SYNPR: variants seen among roughly 807,000 people sequenced by gnomAD.
SYNPR encodes synaptoporin.
SYNPR carries 23 observed loss-of-function variants against 32.9 expected under a neutral mutation model. The observed-to-expected ratio is 0.70, with a 90% CI of 0.50 to 0.99. SYNPR has a LOEUF of 0.99. Ranked by LOEUF, SYNPR falls within the 50% of genes least tolerant of loss-of-function variation. The pLI, the probability that SYNPR is intolerant of heterozygous loss-of-function variation, is 0.00. For synonymous variants in SYNPR, 146 were observed against 135.9 expected (o/e 1.07, Z -0.52); for missense variants, 318 against 349.3 (o/e 0.91, Z 0.71).
chr3:63,268,580 A>G (rs2086510200), intron 3 of SYNPR, among the ~76,000 whole-genome samples: 1 of 152,232 alleles, frequency 6.6e-6, no homozygotes, highest in Non-Finnish European at 1.5e-5. Flanking sequence ...GAAAATCACA[A>G]AGAAGGGAAA....
chr3:63,376,128 G>A lies in SYNPR; in HGVS notation c.84+97386G>A, dbSNP rs959837545. Reference sequence around the variant, plus strand: ...ATCTGAAATCCATCTATTTCTCTGTGTGTTCACTATTCTCATCCTAGCCCA... The same window carrying A: ...ATCTGAAATCCATCTATTTCTCTGTATGTTCACTATTCTCATCCTAGCCCA... On this transcript the variant is annotated intron_variant, in intron 2 of 5. Coordinates refer to ENST00000478300, the MANE Select transcript of SYNPR (RefSeq NM_001130003.2). Among the ~76,000 whole-genome samples the A allele has an allele frequency of 2.0e-5, 3 of 152,034 alleles. No homozygotes were observed. The East Asian group carries it at 5.8e-4, about 29-fold the overall frequency.
the SYNPR span, among the ~76,000 whole-genome samples, chr3:63,207,145 T>G: frequency 2.0e-5 from 3 of 152,204 alleles, no homozygotes; most frequent in Non-Finnish European, 4.4e-5. Flanking sequence ...TTAACCCAAG[T>G]TATAGCTAGT....
intron 3 of SYNPR, among the ~76,000 whole-genome samples, chr3:63,546,726 C>T (rs541956703): frequency 2.6e-5 from 4 of 151,826 alleles, no homozygotes; most frequent in Non-Finnish European, 4.4e-5. Context: ...AAAAAAAGTT[C>T]CTCCTATGGA....
intron 2 of SYNPR, among the ~76,000 whole-genome samples, chr3:63,471,994 A>C (rs1700809378): frequency 6.6e-6 from 1 of 152,168 alleles, no homozygotes. Flanking sequence ...ATGCCAGACT[A>C]ACTCCCTCCC....
intron 2 of SYNPR, among the ~76,000 whole-genome samples, chr3:63,356,820 CA>C (rs2087589949): frequency 6.6e-6 from 1 of 152,138 alleles, no homozygotes; most frequent in Non-Finnish European, 1.5e-5. Flanking sequence ...GAATTTTTCT[CA>C]ACGATGAAGG....
exon 2 of SYNPR, chr3:63,252,532 A>G (rs548626345): frequency 1.3e-5 from 2 of 152,148 alleles, no homozygotes; most frequent in Non-Finnish European, 2.9e-5. Context: ...CTTTAAGGAA[A>G]ACTTTCCTTC....
chr3:63,381,708 T>G (rs1404523024), intron 2 of SYNPR, among the ~76,000 whole-genome samples: 1 of 152,226 alleles, frequency 6.6e-6, no homozygotes. Flanking sequence ...AATGTTACTA[T>G]CCATCTGTTA....
At chr3:63,561,505 G>A (rs1287488837) in intron 4 of SYNPR, 3 of 152,108 alleles carry the variant, frequency 2.0e-5, no homozygotes, top group Non-Finnish European at 4.4e-5. Flanking sequence ...TAGAGAGGTG[G>A]AGATAGGTAA....
chr3:63,224,548 C>A (rs538412817), upstream of SYNPR, among the ~76,000 whole-genome samples: 1 of 152,276 alleles, frequency 6.6e-6, no homozygotes, highest in South Asian at 2.1e-4. Flanking sequence ...AATAAAGGGA[C>A]AACCTACATT....
intron 2 of SYNPR, among the ~76,000 whole-genome samples, chr3:63,366,479 A>G (rs1443029103): frequency 1.3e-5 from 2 of 151,058 alleles, no homozygotes; most frequent in South Asian, 2.1e-4. Flanking sequence ...CATATAAAGT[A>G]TGTGTACTTT....
chr3:63,344,753 AG>A, intron 2 of SYNPR, among the ~76,000 whole-genome samples: 1 of 152,182 alleles, frequency 6.6e-6, no homozygotes, highest in African/African-American at 2.4e-5. Flanking sequence ...AGTGGAAAGA[AG>A]GGAGTTTACT....
chr3:63,615,420 C>T lies in SYNPR; in HGVS notation c.797C>T (p.Pro266Leu). Residue 266 changes from proline to leucine, a missense_variant, in exon 6 of 6, where the codon CCA (proline) becomes CTA (leucine). Coordinates refer to ENST00000478300, the MANE Select transcript of SYNPR (RefSeq NM_001130003.2). The part of the protein sequence containing the change: ...SGYSQQASLG[P>L]TSDEFGQQPT... ...TACAGTCAGCAGGCGAGTTTGGGGC[C>T]AACCTCAGATGAGTTTGGCCAACAG... is the stretch of plus-strand genomic sequence containing the variant. The T allele has an allele frequency of 2.5e-6, 4 of 1,613,928 alleles. No homozygotes were observed. Among genetic ancestry groups the T allele is most frequent in the East Asian group, 2.2e-5 (1 of 44,872 alleles).
At chr3:63,539,832 T>C (rs1702268328) in intron 3 of SYNPR, among the ~76,000 whole-genome samples, 1 of 152,102 alleles carries the variant, frequency 6.6e-6, no homozygotes, top group Non-Finnish European at 1.5e-5. Flanking sequence ...AGAAACTGTA[T>C]GGAACACACC....
chr3:63,335,145 G>A (rs1286861655), intron 2 of SYNPR, among the ~76,000 whole-genome samples: 2 of 152,144 alleles, frequency 1.3e-5, no homozygotes, highest in Non-Finnish European at 2.9e-5. Flanking sequence ...ACAAGGTCGG[G>A]AGATCGAGAC....
At position 63,568,766 on chromosome 3, in the gene SYNPR, T is replaced by C. The variant is rs4328796; in HGVS notation, c.408+12025T>C. On this transcript the variant is annotated intron_variant, in intron 4 of 5. Coordinates refer to ENST00000478300, the MANE Select transcript of SYNPR (RefSeq NM_001130003.2). ...GAGAGAAAGGCTTACCAAGAAGAAA[T>C]TGAGGCCCTGAATTCAGCCACAGCT... Among the ~76,000 whole-genome samples, 405 of 152,216 alleles carry C rather than the reference T, an allele frequency of 2.7e-3. 11 individuals are homozygous for C. The East Asian group carries it at 0.057, about 21-fold the overall frequency.
At chr3:63,399,657 G>A (rs1024591457) in intron 2 of SYNPR, among the ~76,000 whole-genome samples, 1 of 152,046 alleles carries the variant, frequency 6.6e-6, no homozygotes, top group African/African-American at 2.4e-5. Context: ...GAATCTGGGG[G>A]GATACAAACA....
At chr3:63,369,038 T>A (rs1476908547) in intron 2 of SYNPR, among the ~76,000 whole-genome samples, 2 of 152,178 alleles carry the variant, frequency 1.3e-5, no homozygotes, top group East Asian at 3.9e-4. Flanking sequence ...ACCCCCAATA[T>A]CTCAGAATGT....
intron 1 of SYNPR, among the ~76,000 whole-genome samples, chr3:63,250,172 G>C (rs1317900821): frequency 6.6e-6 from 1 of 152,076 alleles, no homozygotes; most frequent in African/African-American, 2.4e-5. Flanking sequence ...AAAAAAGCTG[G>C]AAGAAAGAAT....
chr3:63,218,263 C>A, the SYNPR span, among the ~76,000 whole-genome samples: 1 of 152,242 alleles, frequency 6.6e-6, no homozygotes, highest in Non-Finnish European at 1.5e-5. Flanking sequence ...ACCCTGTTCA[C>A]TGGCAGTCAA....
Sources: allele counts gnomAD v4.1 joint callset (sites outside exome capture counted in the v4.1 genomes callset), GRCh38; gene constraint gnomAD v4.1.1; transcripts MANE v1.5; gene names NCBI Gene and HGNC (gene_info 2026-07-23, HGNC 2026-07-21).